Variants in RBFOX3 observed in about 807,000 individuals in gnomAD.
RBFOX3 encodes the protein RNA binding fox-1 homolog 3.
Under a neutral mutation model 48.7 loss-of-function variants are expected in RBFOX3, and 17 were observed. That is an observed-to-expected ratio of 0.35 (90% CI 0.24 to 0.52). The LOEUF is 0.52. Among genes scored for constraint, RBFOX3 ranks in the 20% least tolerant of loss-of-function variants. The pLI is 0.94. For synonymous variants in RBFOX3, 212 were observed against 209.5 expected, an observed-to-expected ratio of 1.01 and a Z score of -0.10; for missense variants, 382 against 497.5, an observed-to-expected ratio of 0.77 and a Z score of 2.21.
intron 4 of RBFOX3, among the ~76,000 whole-genome samples, chr17:79,170,777 C>A (rs1189089170): frequency 3.9e-5 from 6 of 152,192 alleles, no homozygotes; most frequent in Admixed American, 3.9e-4. Context: ...TGCTCAAAGA[C>A]CTTCTGTGGC....
chr17:79,338,629 G>C (rs901449274), intron 2 of RBFOX3, among the ~76,000 whole-genome samples: 4 of 152,110 alleles, frequency 2.6e-5, no homozygotes, highest in African/African-American at 9.7e-5. Context: ...CTCACTTAAG[G>C]GGTCGACATA....
intron 3 of RBFOX3, among the ~76,000 whole-genome samples, chr17:79,261,783 C>T (rs957181413): frequency 6.6e-5 from 10 of 152,322 alleles, no homozygotes; most frequent in South Asian, 4.2e-4. Context: ...GCACACCCCA[C>T]GCTTCCCCTG....
chr17:79,117,506 G>A (rs1218908524), intron 4 of RBFOX3, among the ~76,000 whole-genome samples: 2 of 152,210 alleles, frequency 1.3e-5, no homozygotes, highest in Admixed American at 6.5e-5. Flanking sequence ...GGCTGCCCCC[G>A]CAGGGCGGTC....
At position 79,249,633 on chromosome 17, in the gene RBFOX3, C is replaced by T. The variant is rs1730805748; in HGVS notation, c.-73-13828G>A. 6.6e-6 allele frequency among the ~76,000 whole-genome samples: 1 copy of T among 152,104 alleles called. No individual in the cohort carries two copies. Among genetic ancestry groups the T allele is most frequent in the African/African-American group, 2.4e-5 (1 of 41,402 alleles). On this transcript the variant is annotated intron_variant, in intron 3 of 14. Transcript: ENST00000693108. The surrounding 1 kb of genome is among the most constrained non-coding windows in gnomAD (Gnocchi z 4.1). Reference sequence around the variant, plus strand: ...GACAATCAGATCCAGCCCCATAGCCCAGAGCTCACTGAAATGATCCAAACC... The same window carrying T: ...GACAATCAGATCCAGCCCCATAGCCTAGAGCTCACTGAAATGATCCAAACC...
intron 1 of RBFOX3, among the ~76,000 whole-genome samples, chr17:79,596,407 A>T (rs2093571146): frequency 6.6e-6 from 1 of 151,992 alleles, no homozygotes; most frequent in Non-Finnish European, 1.5e-5. Context: ...GCAGGCAGAG[A>T]GTGTGCCCAG....
At chr17:79,091,572 C>T (rs1174222029) in intron 14 of RBFOX3, among the ~76,000 whole-genome samples, 2 of 152,206 alleles carry the variant, frequency 1.3e-5, no homozygotes, top group Non-Finnish European at 2.9e-5. Context: ...GCCCTGCCTG[C>T]AGTCTCCCTA....
At chr17:79,601,330 C>T (rs1433591154) in intron 1 of RBFOX3, 1 of 152,268 alleles carries the variant, frequency 6.6e-6, no homozygotes, top group African/African-American at 2.4e-5. Context: ...AGGATCCTCT[C>T]TTAGGGTGGG....
At position 79,204,652 on chromosome 17, in the gene RBFOX3, T is replaced by C. The variant is rs970460283; in HGVS notation, c.-34+31114A>G. ...TTCCCTCCACTAAGGCAATAAAAAATGCAATTCTGGGGTGGGGGACCGCTG... is the reference window on the plus strand; with the variant it reads ...TTCCCTCCACTAAGGCAATAAAAAACGCAATTCTGGGGTGGGGGACCGCTG... On this transcript the variant is annotated intron_variant, in intron 4 of 14. Coordinates refer to ENST00000693108, the MANE Select transcript of RBFOX3 (RefSeq NM_001350451.2). This position sits in a 1 kb window ranked among gnomAD's most constrained non-coding sequence, Gnocchi z 4.5. Among the ~76,000 whole-genome samples, 1 of 152,020 alleles carries C rather than the reference T, an allele frequency of 6.6e-6. No homozygotes were observed. The highest frequency in any genetic ancestry group is 2.4e-5 in the African/African-American group (1 of 41,364).
chr17:79,138,852 GCA>G (rs2041170510), intron 4 of RBFOX3, among the ~76,000 whole-genome samples: 30 of 74,130 alleles, frequency 4.0e-4, no homozygotes, highest in East Asian at 8.8e-4. Context: ...CACAGCACAT[GCA>G]TTCACGCCCC....
At chr17:79,153,590 G>A (rs1164982952) in intron 4 of RBFOX3, among the ~76,000 whole-genome samples, 2 of 152,196 alleles carry the variant, frequency 1.3e-5, no homozygotes, top group Non-Finnish European at 2.9e-5. Flanking sequence ...AGGACACACA[G>A]CACTGAGAAC....
At chr17:79,336,214 C>T (rs2081166162) in intron 2 of RBFOX3, among the ~76,000 whole-genome samples, 1 of 151,862 alleles carries the variant, frequency 6.6e-6, no homozygotes, top group Non-Finnish European at 1.5e-5. Context: ...TGACGAAAAC[C>T]CATCTCTACT....
chr17:79,638,753 G>A, the RBFOX3 span, among the ~76,000 whole-genome samples: 1 of 152,276 alleles, frequency 6.6e-6, no homozygotes, highest in Middle Eastern at 3.4e-3. Context: ...TTGTTATAAA[G>A]AGCCTGGCAC....
At chr17:79,654,323 G>C in the RBFOX3 span, among the ~76,000 whole-genome samples, 1 of 152,194 alleles carries the variant, frequency 6.6e-6, no homozygotes, top group South Asian at 2.1e-4. Context: ...TTTTTTCACA[G>C]TGGGAAGACT....
intron 2 of RBFOX3, among the ~76,000 whole-genome samples, chr17:79,462,549 A>AAT (rs781922196): frequency 2.6e-5 from 4 of 152,204 alleles, no homozygotes; most frequent in Admixed American, 6.5e-5. Flanking sequence ...GACATGAGAC[A>AAT]AATGCCTGGA....
At chr17:79,612,319 C>T (rs1173279121), upstream of RBFOX3, among the ~76,000 whole-genome samples, 1 of 152,172 alleles carries the variant, frequency 6.6e-6, no homozygotes, top group African/African-American at 2.4e-5. Flanking sequence ...AACAATTAGC[C>T]TCCTCCTCGC....
In RBFOX3 at chr17:79,447,418, G is replaced by A. The variant is rs188834995; in HGVS notation, c.-175+35036C>T. Among the ~76,000 whole-genome samples the A allele has an allele frequency of 5.3e-4, 81 of 152,316 alleles. No individual in the cohort carries two copies. The Middle Eastern group carries it at 0.014, about 26-fold the overall frequency. On this transcript the variant is annotated intron_variant, in intron 2 of 14. Transcript: ENST00000693108. Reference sequence around the variant, plus strand: ...ATGCCGTGTTTGCTGGCAGAGTGCCGGCTTCATCTGGAAGGTTGTGCCTAA... The same window carrying A: ...ATGCCGTGTTTGCTGGCAGAGTGCCAGCTTCATCTGGAAGGTTGTGCCTAA...
chr17:79,402,427 A>G (rs539633197), intron 2 of RBFOX3, among the ~76,000 whole-genome samples: 73 of 152,264 alleles, frequency 4.8e-4, no homozygotes, highest in South Asian at 1.2e-3. Flanking sequence ...TGGGAAACCT[A>G]ATTAAATTGG....
chr17:79,345,966 G>T (rs2082853236), intron 2 of RBFOX3, among the ~76,000 whole-genome samples: 1 of 152,064 alleles, frequency 6.6e-6, no homozygotes, highest in African/African-American at 2.4e-5. Flanking sequence ...TTTCACCCAG[G>T]CTGGAATGCA....
intron 1 of RBFOX3, among the ~76,000 whole-genome samples, chr17:79,572,080 C>T (rs1309587294): frequency 6.6e-6 from 1 of 152,146 alleles, no homozygotes; most frequent in Non-Finnish European, 1.5e-5. Flanking sequence ...TCACTCCTCC[C>T]ATCTTATACA....
Sources: allele counts gnomAD v4.1 joint callset (sites outside exome capture counted in the v4.1 genomes callset), GRCh38; gene constraint gnomAD v4.1.1; non-coding constraint Gnocchi (gnomAD v3.1); transcripts MANE v1.5; gene names NCBI Gene and HGNC (gene_info 2026-07-23, HGNC 2026-07-21).